SPAG6: variants seen among roughly 807,000 people sequenced by gnomAD.
The protein encoded by SPAG6 is sperm-associated antigen 6.
SPAG6 carries 49 observed loss-of-function variants against 58.5 expected under a neutral mutation model. The observed-to-expected ratio is 0.84, with a 90% CI of 0.67 to 1.06. SPAG6 has a LOEUF of 1.06. Ranked by LOEUF, SPAG6 falls within the 50% of genes least tolerant of loss-of-function variation. The pLI, the probability that SPAG6 is intolerant of heterozygous loss-of-function variation, is 0.00. For synonymous variants in SPAG6, 233 were observed against 225.6 expected, an observed-to-expected ratio of 1.03 and a Z score of -0.29; for missense variants, 560 against 611.3, an observed-to-expected ratio of 0.92 and a Z score of 0.89.
intron 10 of SPAG6, chr10:22,412,541 A>T: frequency 8.2e-7 from 1 of 1,212,594 alleles, no homozygotes; most frequent in Non-Finnish European, 1.2e-6. Flanking sequence ...TTGAAATATT[A>T]ATATATATGA....
intron 9 of SPAG6, among the ~76,000 whole-genome samples, chr10:22,410,320 G>T (rs1355351033): frequency 6.6e-6 from 1 of 152,166 alleles, no homozygotes; most frequent in Non-Finnish European, 1.5e-5. Flanking sequence ...CATTGTGACA[G>T]ACATATAATG....
intron 8 of SPAG6, among the ~76,000 whole-genome samples, chr10:22,395,071 A>G (rs1834265518): frequency 6.6e-6 from 1 of 152,142 alleles, no homozygotes; most frequent in East Asian, 1.9e-4. Context: ...TGTGGCATAT[A>G]TCAGTATTTT....
chr10:22,403,572 G>C (rs576239373), intron 9 of SPAG6, among the ~76,000 whole-genome samples: 1 of 150,646 alleles, frequency 6.6e-6, no homozygotes, highest in Non-Finnish European at 1.5e-5. Flanking sequence ...CTTTGCTATT[G>C]TGAATAGTGC....
At chr10:22,376,072 A>T (rs145920019) in intron 4 of SPAG6, among the ~76,000 whole-genome samples, 46 of 152,226 alleles carry the variant, frequency 3.0e-4, no homozygotes, top group African/African-American at 9.6e-4. Context: ...TTTTTATTTT[A>T]TTGCCATTTA....
chr10:22,345,781 G>C lies in SPAG6; in HGVS notation c.84G>C (p.Ala28=). The C allele has an allele frequency of 6.2e-7, 1 of 1,613,644 alleles. No individual in the cohort carries two copies. Among genetic ancestry groups the C allele is most frequent in the Non-Finnish European group, 8.5e-7 (1 of 1,179,846 alleles). The change falls in exon 2 of 11, where the codon GCG becomes GCC. Residue 28 remains alanine, a synonymous_variant. Transcript: ENST00000376624. The surrounding 1 kb of genome is among the most constrained non-coding windows in gnomAD (Gnocchi z 6.3). ...TCGTGCAGATGGTGGCGGAGCTGGC[G>C]ACTAGACCCCAAAACATCGAGACGC... The part of the protein sequence containing the change: ...TQFVQMVAEL[A]TRPQNIETLQ...
intron 8 of SPAG6, among the ~76,000 whole-genome samples, chr10:22,399,518 A>G (rs1299075036): frequency 1.3e-5 from 2 of 152,252 alleles, no homozygotes; most frequent in African/African-American, 2.4e-5. Context: ...TCAAATAGAC[A>G]TGCAAAGAAA....
chr10:22,384,503 T>C (rs1004294948), intron 4 of SPAG6, among the ~76,000 whole-genome samples: 1 of 152,252 alleles, frequency 6.6e-6, no homozygotes, highest in African/African-American at 2.4e-5. Flanking sequence ...TTCTTATCTG[T>C]ATATACATTC....
intron 10 of SPAG6, among the ~76,000 whole-genome samples, chr10:22,411,908 G>A (rs1429063453): frequency 7.1e-6 from 1 of 141,454 alleles, no homozygotes; most frequent in African/African-American, 2.7e-5. Flanking sequence ...GAGTGCAGTG[G>A]CGCGATTTCG....
At chr10:22,402,932 A>G (rs1035943115) in intron 9 of SPAG6, among the ~76,000 whole-genome samples, 2 of 152,154 alleles carry the variant, frequency 1.3e-5, no homozygotes, top group African/African-American at 4.8e-5. Context: ...TTCATTTTGT[A>G]GTTTAATCTT....
At chr10:22,408,805 CCCTCCG>C (rs1362620610) in intron 9 of SPAG6, among the ~76,000 whole-genome samples, 1 of 152,176 alleles carries the variant, frequency 6.6e-6, no homozygotes, top group African/African-American at 2.4e-5. Flanking sequence ...GGGGGTAGGA[CCCTCCG>C]AGCCATGTGT....
rs370170449 is a variant in SPAG6, at chr10:22,401,063, T to C, written c.1198-98T>C. ...AACAACTGCAGCTTAGACCAGGAAA[T>C]TGATTTTATTTTGAAATTCCAGGAA... is the stretch of plus-strand genomic sequence containing the variant. On this transcript the variant is annotated intron_variant, in intron 8 of 10. Coordinates refer to ENST00000376624, the MANE Select transcript of SPAG6 (RefSeq NM_012443.4). The C allele has an allele frequency of 7.6e-5, 53 of 700,318 alleles. 2 individuals are homozygous for C. The African/African-American group carries it at 8.1e-4, about 11-fold the overall frequency. The allele number at this position is 700,318 out of a possible 1,614,324, so 43.4% of individuals were successfully genotyped here.
intron 2 of SPAG6, among the ~76,000 whole-genome samples, chr10:22,349,087 G>A (rs1836646408): frequency 6.6e-6 from 1 of 152,010 alleles, no homozygotes; most frequent in Non-Finnish European, 1.5e-5. Flanking sequence ...GACCTCAAAG[G>A]ATCCACCCGC....
At chr10:22,402,166 A>G (rs1051926422) in intron 9 of SPAG6, among the ~76,000 whole-genome samples, 1 of 152,214 alleles carries the variant, frequency 6.6e-6, no homozygotes, top group Non-Finnish European at 1.5e-5. Flanking sequence ...GAGATATTGT[A>G]TGCTAAGCAT....
rs890798545 is a variant in SPAG6 at position 22,389,435 on chromosome 10, A to G, written c.1005+123A>G. 1.2e-5 allele frequency: 12 copies of G among 985,398 alleles called. 1 individual carries two copies. Among genetic ancestry groups the G allele is most frequent in the Middle Eastern group, 3.3e-4 (1 of 3,036 alleles). The allele number at this position is 985,398 out of a possible 1,614,324, so 61.0% of individuals were successfully genotyped here. A position where few individuals can be genotyped will look rare whatever the true frequency, so the allele number is the denominator to read the frequency against. ...GGAGCAAAAAAATTACCTGAAAAAA[A>G]TTTTGATTGTTTCAATGCTTATTAG... is the stretch of plus-strand genomic sequence containing the variant. On this transcript the variant is annotated intron_variant, in intron 7 of 10. Coordinates refer to ENST00000376624, the MANE Select transcript of SPAG6 (RefSeq NM_012443.4).
At chr10:22,380,303 T>G (rs1833920560) in intron 4 of SPAG6, among the ~76,000 whole-genome samples, 1 of 151,972 alleles carries the variant, frequency 6.6e-6, no homozygotes, top group South Asian at 2.1e-4. Context: ...TTTTGTTTGT[T>G]TGTTTGTTTG....
chr10:22,346,041 A>T (rs1178630743), intron 2 of SPAG6: 3 of 1,539,450 alleles, frequency 1.9e-6, no homozygotes, highest in Admixed American at 4.0e-5. Context: ...TCTTCATTGC[A>T]CACAGGCAAG....
At position 22,404,744 on chromosome 10, in the gene SPAG6, A is replaced by G. The variant is rs866745715; in HGVS notation, c.1314+3467A>G. On this transcript the variant is annotated intron_variant, in intron 9 of 10. Coordinates refer to ENST00000376624, the MANE Select transcript of SPAG6 (RefSeq NM_012443.4). ...CCTTGGGCAGTATGGCCATTTTCAC[A>G]ATATTGATTCTTCCTACCCATGAGC... Among the ~76,000 whole-genome samples, 1,129 of 145,368 alleles carry G rather than the reference A, an allele frequency of 7.8e-3. 13 individuals are homozygous for G. The highest frequency in any genetic ancestry group is 0.028 in the African/African-American group (1,063 of 38,632).
intron 2 of SPAG6, among the ~76,000 whole-genome samples, chr10:22,352,931 T>C (rs1279071944): frequency 1.3e-5 from 2 of 152,212 alleles, no homozygotes; most frequent in Non-Finnish European, 2.9e-5. Flanking sequence ...CTTTTTACTT[T>C]TGCTGCCAGG....
At position 22,367,640 on chromosome 10, in the gene SPAG6, T is replaced by C. The variant is rs150415918; in HGVS notation, c.289-855T>C. On this transcript the variant is annotated intron_variant, in intron 3 of 10. Transcript: ENST00000376624. ...ACAGAAAGAGTTAGGAGACCATCAC[T>C]GTGTCATTATGCTAACCATAAAACC... Among the ~76,000 whole-genome samples the C allele has an allele frequency of 4.3e-4, 65 of 152,290 alleles. No homozygotes were observed. In the East Asian group the frequency reaches 0.012, roughly 28 times the overall value.
Sources: gnomAD v4.1 joint callset for allele counts (sites outside exome capture counted in the v4.1 genomes callset) on GRCh38, gnomAD v4.1.1 for gene constraint, Gnocchi (gnomAD v3.1) non-coding constraint, MANE v1.5 for transcripts, NCBI Gene and HGNC (gene_info 2026-07-23, HGNC 2026-07-21) for gene names.